Variants in PCNT observed in about 807,000 individuals in gnomAD.
PCNT encodes the protein kendrin.
In PCNT, 319 loss-of-function variants were observed where a neutral mutation model predicts 380.4. That is an observed-to-expected ratio of 0.84 (90% CI 0.77 to 0.92). The LOEUF (loss-of-function observed/expected upper bound fraction) is 0.92, where lower values mean the gene tolerates loss of function less well. Among genes scored for constraint, PCNT ranks in the 40% least tolerant of loss-of-function variants. The pLI is 0.00. For synonymous variants in PCNT, 1,845 were observed against 1,735.2 expected (o/e 1.06, Z -1.57); for missense variants, 4,400 against 4,255.3 (o/e 1.03, Z -0.95).
chr21:46,382,413 A>C (rs1401969559), intron 16 of PCNT, among the ~76,000 whole-genome samples: 5 of 126,948 alleles, frequency 3.9e-5, no homozygotes, highest in African/African-American at 1.1e-4. Flanking sequence ...ATTCAGCAGC[A>C]GAAGCGCATT....
intron 31 of PCNT, among the ~76,000 whole-genome samples, chr21:46,418,744 T>C (rs1008107275): frequency 6.6e-6 from 1 of 152,232 alleles, no homozygotes; most frequent in Non-Finnish European, 1.5e-5. Context: ...TTCCCTCCCC[T>C]TGGGGTGGAC....
chr21:46,351,227 G>C (rs1235020109), intron 8 of PCNT, among the ~76,000 whole-genome samples: 1 of 152,196 alleles, frequency 6.6e-6, no homozygotes, highest in Admixed American at 6.5e-5. Flanking sequence ...CTGGCCTTGT[G>C]GGGTCAGCGC....
rs551420606 is a variant in PCNT at position 46,431,943 on chromosome 21, C to T, written c.8479C>T (p.Gln2827Ter). 5.0e-6 allele frequency: 8 copies of T among 1,613,998 alleles called. No homozygotes were observed. The highest frequency in any genetic ancestry group is 4.4e-5 in the South Asian group (4 of 91,082). ...TCAGCAGCAGCTTGAGGCTGAGGCT[C>T]AGAAGCACTGTGAGGCGCTCAGGAG... ...HSQQQLEAEA[Q>*]KHCEALRREK... Residue 2827 changes from glutamine to a stop codon, truncating the protein, a stop_gained, in exon 38 of 47, where the codon CAG becomes TAG. Transcript: ENST00000359568. LOFTEE classifies it high-confidence loss of function.
At chr21:46,383,590 C>A (rs559919404) in intron 16 of PCNT, among the ~76,000 whole-genome samples, 2 of 143,060 alleles carry the variant, frequency 1.4e-5, no homozygotes, top group African/African-American at 2.6e-5. Flanking sequence ...GCTGTGCATT[C>A]AGCAGCGGAA....
intron 30 of PCNT, among the ~76,000 whole-genome samples, chr21:46,417,923 A>T (rs941021051): frequency 6.6e-6 from 1 of 152,348 alleles, no homozygotes; most frequent in Admixed American, 6.5e-5. Flanking sequence ...AATTTAGCAG[A>T]TACATATTAT....
Position 46,398,257 on chromosome 21 carries a change from TGAG to T in PCNT, c.4584+7_4584+9del, listed in dbSNP as rs745600990. 1.9e-6 allele frequency: 3 copies of T among 1,604,338 alleles called. No individual in the cohort carries two copies. Among genetic ancestry groups the T allele is most frequent in the Middle Eastern group, 4.5e-4 (2 of 4,434 alleles). ...CAGCAGGCGCCGCTGGATGGAGAGG[TGAG>T]GAGGCGTCAACGAGATGGGCACTCC... On this transcript the variant is annotated splice_donor_5th_base_variant and intron_variant, in intron 24 of 46. Coordinates refer to ENST00000359568, the MANE Select transcript of PCNT (RefSeq NM_006031.6).
intron 2 of PCNT, among the ~76,000 whole-genome samples, chr21:46,328,316 G>A (rs1186597814): frequency 6.6e-6 from 1 of 151,188 alleles, no homozygotes; most frequent in Admixed American, 6.6e-5. Context: ...AGGCTGGAGC[G>A]CAGTGACGCG....
chr21:46,326,700 A>C, intron 2 of PCNT, 111 bp downstream of exon 2: 1 of 1,162,718 alleles, frequency 8.6e-7, no homozygotes, highest in Non-Finnish European at 1.3e-6. Context: ...AAGTGAGGAA[A>C]GAGGGTGTTA....
chr21:46,435,229 G>T (rs964754712), intron 38 of PCNT, among the ~76,000 whole-genome samples: 17 of 152,030 alleles, frequency 1.1e-4, no homozygotes, highest in African/African-American at 4.1e-4. Flanking sequence ...TTTTGTTTTG[G>T]TTTGGTTTTT....
chr21:46,373,305 C>T (rs1487141407), intron 15 of PCNT, among the ~76,000 whole-genome samples: 2 of 152,156 alleles, frequency 1.3e-5, no homozygotes, highest in Non-Finnish European at 1.5e-5. Context: ...GCGTGAGCCG[C>T]GCCTGGCCTG....
intron 21 of PCNT, among the ~76,000 whole-genome samples, chr21:46,394,737 C>T (rs535310669): frequency 4.6e-5 from 7 of 152,338 alleles, no homozygotes; most frequent in Non-Finnish European, 5.9e-5. Flanking sequence ...ATTTCTCTAA[C>T]GGTCTTTACT....
chr21:46,382,889 AGCGCATTCACG>A (rs2085629498), intron 16 of PCNT, among the ~76,000 whole-genome samples: 2 of 132,028 alleles, frequency 1.5e-5, no homozygotes, highest in Admixed American at 7.2e-5. Context: ...CAGTGGCGGA[AGCGCATTCACG>A]GTGTTGTGCA....
intron 13 of PCNT, 32 bp downstream of exon 13, chr21:46,357,223 C>T (rs1233083700): frequency 8.3e-6 from 12 of 1,440,170 alleles, no homozygotes; most frequent in South Asian, 3.4e-5. Flanking sequence ...CAGCGCCTCC[C>T]GCCCGAGTCC....
chr21:46,418,935 C>T (rs1431942423), intron 31 of PCNT, among the ~76,000 whole-genome samples: 9 of 152,246 alleles, frequency 5.9e-5, no homozygotes, highest in Admixed American at 3.3e-4. Flanking sequence ...GTTTCCTCCA[C>T]CTCCTTCTGT....
chr21:46,386,150 T>C (rs961435763), intron 17 of PCNT, among the ~76,000 whole-genome samples, 167 bp downstream of exon 17: 2 of 152,178 alleles, frequency 1.3e-5, no homozygotes, highest in African/African-American at 4.8e-5. Flanking sequence ...TTAGAAAGAT[T>C]GTAAGCACCG....
Position 46,436,213 on chromosome 21 carries a change from C to T in PCNT, c.8996+65C>T, listed in dbSNP as rs1464878557. 4 of 1,581,408 alleles carry T rather than the reference C, an allele frequency of 2.5e-6. No homozygotes were observed. In the African/African-American group the frequency reaches 4.0e-5, roughly 16 times the overall value. On this transcript the variant is annotated intron_variant, in intron 39 of 46. Transcript: ENST00000359568. The stretch of plus-strand genomic sequence containing the variant: ...AGCCACCCCTCTGTCCCAGACCCGG[C>T]CCGAGGGCTGGGGCGCGTCTGGTGT...
intron 17 of PCNT, among the ~76,000 whole-genome samples, chr21:46,386,626 C>T (rs1237387680): frequency 6.6e-6 from 1 of 152,248 alleles, no homozygotes; most frequent in Non-Finnish European, 1.5e-5. Context: ...CTTGGTGCCT[C>T]CTCACCTGCA....
In PCNT at chr21:46,432,166, C is replaced by CA; in HGVS notation, c.8703dup (p.Ala2902SerfsTer26). On this transcript the variant is annotated frameshift_variant, in exon 38 of 47. Coordinates refer to ENST00000359568, the MANE Select transcript of PCNT (RefSeq NM_006031.6). LOFTEE classifies it high-confidence loss of function. ...AGGAGCGCGGAGGCCAGGCAGAGCC[C>CA]AGCGGCTGCGGAGCAGTGGAGGAAG... is the stretch of plus-strand genomic sequence containing the variant. The CA allele has an allele frequency of 2.5e-6, 4 of 1,613,386 alleles. No individual in the cohort carries two copies. In the East Asian group the frequency reaches 8.9e-5, roughly 36 times the overall value.
chr21:46,433,371 G>A (rs1433561542), intron 38 of PCNT, among the ~76,000 whole-genome samples: 6 of 152,186 alleles, frequency 3.9e-5, no homozygotes, highest in South Asian at 2.1e-4. Context: ...CAACAAGAGC[G>A]AGACTCCATC....
Sources: gnomAD v4.1 joint callset for allele counts (sites outside exome capture counted in the v4.1 genomes callset) on GRCh38, gnomAD v4.1.1 for gene constraint, MANE v1.5 for transcripts, NCBI Gene and HGNC (gene_info 2026-07-23, HGNC 2026-07-21) for gene names.